The following SCRG1 variants were observed in gnomAD, a reference collection of about 807,000 sequenced individuals.
SCRG1 encodes the protein scrapie-responsive protein 1.
In SCRG1, 3 loss-of-function variants were observed where a neutral mutation model predicts 7.7. The observed-to-expected ratio is 0.39, with a 90% CI of 0.18 to 1.01. The LOEUF (loss-of-function observed/expected upper bound fraction) is 1.01. SCRG1 is among the 50% of genes least tolerant of loss of function. The pLI is 0.36. For missense variants in SCRG1, 110 were observed against 117.2 expected, an observed-to-expected ratio of 0.94 and a Z score of 0.28; for synonymous variants, 46 against 41.2, an observed-to-expected ratio of 1.12 and a Z score of -0.44.
chr4:173,442,643 TA>T, the SCRG1 span, among the ~76,000 whole-genome samples: 1 of 152,278 alleles, frequency 6.6e-6, no homozygotes, highest in South Asian at 2.1e-4. Context: ...GAGTAATTTG[TA>T]AAGAACAGAA....
At chr4:173,471,601 C>A in the SCRG1 span, among the ~76,000 whole-genome samples, 2 of 152,090 alleles carry the variant, frequency 1.3e-5, no homozygotes, top group African/African-American at 2.4e-5. Flanking sequence ...AATGTTCAGG[C>A]AAACCAGTTT....
chr4:173,517,282 C>G, the SCRG1 span, among the ~76,000 whole-genome samples: 1 of 152,228 alleles, frequency 6.6e-6, no homozygotes. Context: ...TGCACAGGAA[C>G]CTTTTACAAG....
At chr4:173,427,004 CT>C in the SCRG1 span, among the ~76,000 whole-genome samples, 557 of 152,300 alleles carry the variant, frequency 3.7e-3, 3 homozygotes, top group Middle Eastern at 0.01. Flanking sequence ...CATTGTCTGT[CT>C]TCCCCTTTTT....
the SCRG1 span, among the ~76,000 whole-genome samples, chr4:173,516,040 C>T: frequency 6.6e-6 from 1 of 152,088 alleles, no homozygotes; most frequent in Non-Finnish European, 1.5e-5. Flanking sequence ...CCCTCGGGGG[C>T]CAATGCTCTT....
At chr4:173,485,075 ATTATATAATATATT>A in the SCRG1 span, among the ~76,000 whole-genome samples, 1 of 11,234 alleles carries the variant, frequency 8.9e-5, no homozygotes, top group African/African-American at 2.2e-4. Context: ...TATATTATAT[ATTATATAATATATT>A]ATATATTATA....
At chr4:173,434,786 G>A in the SCRG1 span, among the ~76,000 whole-genome samples, 5 of 152,160 alleles carry the variant, frequency 3.3e-5, 1 homozygote, top group South Asian at 6.2e-4. Context: ...AGCCAAGATC[G>A]TGCCACGGCA....
chr4:173,426,049 T>C, the SCRG1 span, among the ~76,000 whole-genome samples: 5 of 152,200 alleles, frequency 3.3e-5, no homozygotes, highest in South Asian at 2.1e-4. Flanking sequence ...TTCACAAATA[T>C]AAATATAGGA....
At chr4:173,485,129 CAT>C in the SCRG1 span, among the ~76,000 whole-genome samples, 1 of 4,194 alleles carries the variant, frequency 2.4e-4, no homozygotes, top group Non-Finnish European at 5.9e-4. Flanking sequence ...TATAATATAT[CAT>C]ATATATTACA....
chr4:173,470,079 T>C, the SCRG1 span: 1 of 150,882 alleles, frequency 6.6e-6, no homozygotes, highest in Non-Finnish European at 1.5e-5. Context: ...ATATTTGTGA[T>C]CTGTCCCCTT....
the SCRG1 span, among the ~76,000 whole-genome samples, chr4:173,483,177 A>AAC: frequency 8.1e-6 from 1 of 123,410 alleles, no homozygotes; most frequent in Admixed American, 9.3e-5. Context: ...TATAACATAT[A>AAC]ATATATTATA....
At chr4:173,510,173 T>TC in the SCRG1 span, among the ~76,000 whole-genome samples, 3 of 152,096 alleles carry the variant, frequency 2.0e-5, no homozygotes, top group Non-Finnish European at 4.4e-5. The surrounding 1 kb of genome is among the most constrained non-coding windows in gnomAD (Gnocchi z 5.7). Flanking sequence ...TAAAACGCTG[T>TC]CCCCGGGGTG....
Position 173,385,725 on chromosome 4 carries a change from C to A in SCRG1, c.*2616G>T, listed in dbSNP as rs1449951330. On this transcript the variant is annotated 3_prime_UTR_variant, in exon 3 of 3. Transcript: ENST00000296506. ...GTTAGATACAATTTTTCTTACCAGGCTTTGATTGCAGTAGTAAGGGAACGT... is the reference window on the plus strand; with the variant it reads ...GTTAGATACAATTTTTCTTACCAGGATTTGATTGCAGTAGTAAGGGAACGT... 2.0e-5 allele frequency: 3 copies of A among 152,004 alleles called. No homozygotes were observed. Among genetic ancestry groups the A allele is most frequent in the Admixed American group, 2.0e-4 (3 of 15,252 alleles). The allele number at this position is 152,004 out of a possible 1,614,324, so 9.4% of individuals were successfully genotyped here. A position where few individuals can be genotyped will look rare whatever the true frequency, so the allele number is the denominator to read the frequency against.
the SCRG1 span, among the ~76,000 whole-genome samples, chr4:173,487,576 G>C: frequency 6.6e-6 from 1 of 152,054 alleles, no homozygotes; most frequent in African/African-American, 2.4e-5. Flanking sequence ...TTTAAAATGA[G>C]AAAATAAAAT....
the SCRG1 span, among the ~76,000 whole-genome samples, chr4:173,491,331 C>T: frequency 9.9e-5 from 15 of 150,896 alleles, no homozygotes; most frequent in East Asian, 2.0e-4. Flanking sequence ...TTCTCTGTAT[C>T]GTTGCTGACA....
chr4:173,401,536 T>C (rs908061732), upstream of SCRG1, among the ~76,000 whole-genome samples: 4 of 152,224 alleles, frequency 2.6e-5, no homozygotes, highest in Non-Finnish European at 5.9e-5. Context: ...TAAATTTCCC[T>C]TATTGTGTTG....
chr4:173,486,786 T>A, the SCRG1 span, among the ~76,000 whole-genome samples: 1 of 152,298 alleles, frequency 6.6e-6, no homozygotes, highest in South Asian at 2.1e-4. Flanking sequence ...TTTCCTGAAA[T>A]ATTTTTAGGC....
chr4:173,440,339 G>A, the SCRG1 span, among the ~76,000 whole-genome samples: 6 of 152,218 alleles, frequency 3.9e-5, no homozygotes, highest in Non-Finnish European at 8.8e-5. Flanking sequence ...GAATATGTAG[G>A]CTAATTCTAG....
chr4:173,484,956 T>A, the SCRG1 span, among the ~76,000 whole-genome samples: 3 of 45,048 alleles, frequency 6.7e-5, no homozygotes, highest in African/African-American at 1.7e-4. Flanking sequence ...TATATAATAT[T>A]ATATATATTA....
At chr4:173,484,031 C>T in the SCRG1 span, among the ~76,000 whole-genome samples, 2 of 51,686 alleles carry the variant, frequency 3.9e-5, no homozygotes, top group African/African-American at 8.3e-5. Context: ...TTATAATATA[C>T]ATATATAATT....
Sources: allele counts gnomAD v4.1 joint callset (sites outside exome capture counted in the v4.1 genomes callset), GRCh38; gene constraint gnomAD v4.1.1; non-coding constraint Gnocchi (gnomAD v3.1); transcripts MANE v1.5; gene names NCBI Gene and HGNC (gene_info 2026-07-23, HGNC 2026-07-21).